Variants in ITGA11 observed in about 807,000 individuals in gnomAD.
ITGA11 encodes integrin subunit alpha 11.
A neutral mutation model predicts 141.9 loss-of-function variants in ITGA11; 97 were observed. The observed-to-expected ratio is 0.68, with a 90% confidence interval of 0.58 to 0.81. The LOEUF (loss-of-function observed/expected upper bound fraction) is 0.81, where lower values mean the gene tolerates loss of function less well. Among genes scored for constraint, ITGA11 ranks in the 30% least tolerant of loss-of-function variants. ITGA11 has a pLI of 0.00. For synonymous variants in ITGA11, 658 were observed against 624.6 expected, an observed-to-expected ratio of 1.05 and a Z score of -0.80; for missense variants, 1,387 against 1,559.2, an observed-to-expected ratio of 0.89 and a Z score of 1.86.
At chr15:68,385,581 T>C (rs573557222) in intron 2 of ITGA11, among the ~76,000 whole-genome samples, 1 of 152,382 alleles carries the variant, frequency 6.6e-6, no homozygotes, top group Admixed American at 6.5e-5. Context: ...TGTAAAAGGA[T>C]GGATGCCTTA....
chr15:68,390,638 G>A lies in ITGA11; in HGVS notation c.164+12280C>T, dbSNP rs540960245. Among the ~76,000 whole-genome samples the A allele has an allele frequency of 4.6e-5, 7 of 152,332 alleles. No homozygotes were observed. The East Asian group carries it at 1.3e-3, about 29-fold the overall frequency. ...AGCCAGGTCCATACCACAGAGGCAG[G>A]AAGAGCCTGGGTCAGAGGGAGCCTC... On this transcript the variant is annotated intron_variant, in intron 2 of 29. Coordinates refer to ENST00000315757, the MANE Select transcript of ITGA11 (RefSeq NM_001004439.2).
Position 68,397,793 on chromosome 15 carries a change from TAAAATTA to T in ITGA11, c.164+5118_164+5124del, listed in dbSNP as rs1566937451. 4.7e-5 allele frequency among the ~76,000 whole-genome samples: 5 copies of T among 107,354 alleles called. 2 individuals are homozygous for T. The highest frequency in any genetic ancestry group is 2.2e-4 in the African/African-American group (5 of 22,330). 70.4% of individuals were successfully genotyped at this position (107,354 alleles called of 152,430 possible). ...TATTTAAAATATATTTAAAATAATA[TAAAATTA>T]TTAATAATAATATTATATATTATTA... On this transcript the variant is annotated intron_variant, in intron 2 of 29. Coordinates refer to ENST00000315757, the MANE Select transcript of ITGA11 (RefSeq NM_001004439.2).
intron 24 of ITGA11, 111 bp from the exon 25 acceptor site, chr15:68,311,514 GA>G (rs1325279314): frequency 6.6e-5 from 47 of 713,920 alleles, no homozygotes; most frequent in Middle Eastern, 3.8e-4. Context: ...TCAGGCCTGG[GA>G]AAAAGGCCCA....
intron 7 of ITGA11, among the ~76,000 whole-genome samples, chr15:68,352,253 C>T (rs1894938432): frequency 1.3e-5 from 2 of 150,780 alleles, no homozygotes; most frequent in Admixed American, 1.3e-4. Context: ...AGTGCGGTGG[C>T]ACAATCTCAG....
intron 3 of ITGA11, among the ~76,000 whole-genome samples, chr15:68,367,376 T>C (rs977488290): frequency 6.6e-6 from 1 of 152,128 alleles, no homozygotes; most frequent in South Asian, 2.1e-4. Context: ...CACATGGCCT[T>C]TCTTTATCTT....
chr15:68,394,853 T>C (rs1392361255), intron 2 of ITGA11, among the ~76,000 whole-genome samples: 1 of 152,166 alleles, frequency 6.6e-6, no homozygotes, highest in Non-Finnish European at 1.5e-5. Flanking sequence ...CCCAAGTTAC[T>C]AAAATTAACA....
At chr15:68,355,821 G>A (rs1369673242) in intron 7 of ITGA11, among the ~76,000 whole-genome samples, 1 of 151,996 alleles carries the variant, frequency 6.6e-6, no homozygotes, top group African/African-American at 2.4e-5. Context: ...GGATTATAAG[G>A]TACCAGGTCT....
In ITGA11 at chr15:68,325,911, AAC is replaced by A. The variant is rs1347111157; in HGVS notation, c.2212-672_2212-671del. The stretch of plus-strand genomic sequence containing the variant: ...CCAGAGTCCCCTGGGAGCTTGTTAA[AAC>A]ACAGGGTGCTGGCGCCAGCCCCAGC... On this transcript the variant is annotated intron_variant, in intron 17 of 29. Coordinates refer to ENST00000315757, the MANE Select transcript of ITGA11 (RefSeq NM_001004439.2). This position sits in a 1 kb window ranked among gnomAD's most constrained non-coding sequence, Gnocchi z 5.5. Among the ~76,000 whole-genome samples, 1 of 152,218 alleles carries A rather than the reference AAC, an allele frequency of 6.6e-6. No individual in the cohort carries two copies. Among genetic ancestry groups the A allele is most frequent in the Non-Finnish European group, 1.5e-5 (1 of 68,032 alleles).
chr15:68,341,437 G>C (rs956398696), intron 10 of ITGA11, among the ~76,000 whole-genome samples: 1 of 152,238 alleles, frequency 6.6e-6, no homozygotes, highest in Non-Finnish European at 1.5e-5. Context: ...TTCATTATTT[G>C]CACTTGACAA....
intron 2 of ITGA11, among the ~76,000 whole-genome samples, chr15:68,393,379 T>C (rs1003684865): frequency 3.9e-5 from 6 of 152,124 alleles, no homozygotes; most frequent in Admixed American, 2.0e-4. Context: ...TTCAAGAAGC[T>C]TTGGAAACCC....
Position 68,326,565 on chromosome 15 carries a change from G to C in ITGA11, c.2211+89C>G, listed in dbSNP as rs1893976798. The C allele has an allele frequency of 1.1e-5, 15 of 1,427,376 alleles. No individual in the cohort carries two copies. The highest frequency in any genetic ancestry group is 1.4e-5 in the Non-Finnish European group (15 of 1,066,180). 88.4% of individuals were successfully genotyped at this position (1,427,376 alleles called of 1,614,324 possible). A position where few individuals can be genotyped will look rare whatever the true frequency, so the allele number is the denominator to read the frequency against. ...CTTCCTGAGGTCTGCTGGGGGCTTA[G>C]AACCAGCCAGGCAGACTCTCTGCCT... On this transcript the variant is annotated intron_variant, in intron 17 of 29. Coordinates refer to ENST00000315757, the MANE Select transcript of ITGA11 (RefSeq NM_001004439.2). This position sits in a 1 kb window ranked among gnomAD's most constrained non-coding sequence, Gnocchi z 6.8.
Position 68,320,224 on chromosome 15 carries a change from C to G in ITGA11, c.2577G>C (p.Ser859=). Residue 859 remains serine, a synonymous_variant, in exon 20 of 30, where the codon TCG becomes TCC. Transcript: ENST00000315757. ...TGGCAAACTGCAGGTTTGCTGACTG[C>G]GAGATATTTAGGACCGTGCTGTAGG... ...ENAYSTVLNI[S]QSANLQFASL... is the part of the protein sequence containing the mutation. The G allele has an allele frequency of 1.9e-6, 3 of 1,614,014 alleles. No homozygotes were observed. The highest frequency in any genetic ancestry group is 2.5e-6 in the Non-Finnish European group (3 of 1,179,894).
rs138205588 is a variant in ITGA11, at chr15:68,384,638, A to G, written c.165-15354T>C. Among the ~76,000 whole-genome samples the G allele has an allele frequency of 2.7e-3, 411 of 151,934 alleles. 2 individuals are homozygous for G. Among genetic ancestry groups the G allele is most frequent in the African/African-American group, 9.5e-3 (394 of 41,392 alleles). Reference sequence around the variant, plus strand: ...TACAGTTTTTCCTCTCTCCCTCTCTATCTCTCCCTCTATCTCTCGTGCACT... The same window carrying G: ...TACAGTTTTTCCTCTCTCCCTCTCTGTCTCTCCCTCTATCTCTCGTGCACT... On this transcript the variant is annotated intron_variant, in intron 2 of 29. Coordinates refer to ENST00000315757, the MANE Select transcript of ITGA11 (RefSeq NM_001004439.2).
chr15:68,411,623 G>A (rs1268756243), intron 1 of ITGA11, among the ~76,000 whole-genome samples: 1 of 152,202 alleles, frequency 6.6e-6, no homozygotes, highest in Non-Finnish European at 1.5e-5. Context: ...GGGTGGCAGA[G>A]CTGGGATACA....
intron 10 of ITGA11, chr15:68,340,650 A>G (rs1417323465): frequency 6.6e-6 from 1 of 152,144 alleles, no homozygotes; most frequent in Non-Finnish European, 1.5e-5. Flanking sequence ...GGAAGCTGCA[A>G]TGCTTGGGCA....
rs1894173548 is a variant in ITGA11, at chr15:68,331,915, C to T, written c.1714G>A (p.Gly572Arg). ...AAGCCGTGGAAGATGTAGATGGCTC[C>T]TGCGTGGTTGTCCTCCAGGGGGGCT... ...VGAPLEDNHA[G>R]AIYIFHGFRG... The change falls in exon 14 of 30, where the codon GGA (glycine) becomes AGA (arginine). Residue 572 changes from glycine (G) to arginine (R), a missense_variant. By Grantham distance (125) the Gly-to-Arg change is moderately radical. Coordinates refer to ENST00000315757, the MANE Select transcript of ITGA11 (RefSeq NM_001004439.2). 1.2e-6 allele frequency: 2 copies of T among 1,613,454 alleles called. No individual in the cohort carries two copies. The highest frequency in any genetic ancestry group is 2.7e-5 in the African/African-American group (2 of 74,964).
rs1236988210 is a variant in ITGA11, at chr15:68,335,407, A to C, written c.1425+290T>G. On this transcript the variant is annotated intron_variant, in intron 12 of 29. Transcript: ENST00000315757. The surrounding 1 kb of genome is among the most constrained non-coding windows in gnomAD (Gnocchi z 4.9). ...TCCACCACAGGACTCTTGGCAGCAC[A>C]GTCTGGTTGCCAACCACCTCCCTGT... 6.6e-6 allele frequency among the ~76,000 whole-genome samples: 1 copy of C among 152,218 alleles called. No homozygotes were observed. Among genetic ancestry groups the C allele is most frequent in the Non-Finnish European group, 1.5e-5 (1 of 68,038 alleles).
At chr15:68,430,112 T>C (rs1279920652) in intron 1 of ITGA11, among the ~76,000 whole-genome samples, 1 of 152,226 alleles carries the variant, frequency 6.6e-6, no homozygotes. Context: ...ATATGTTTAA[T>C]GAATCCCATA....
Position 68,325,140 on chromosome 15 carries a change from G to C in ITGA11, c.2313C>G (p.Leu771=). The C allele has an allele frequency of 1.2e-6, 2 of 1,613,340 alleles. No individual in the cohort carries two copies. Among genetic ancestry groups the C allele is most frequent in the Non-Finnish European group, 1.7e-6 (2 of 1,179,334 alleles). The change falls in exon 18 of 30, where the codon CTC becomes CTG. Residue 771 remains leucine, a synonymous_variant. Transcript: ENST00000315757. This position sits in a 1 kb window ranked among gnomAD's most constrained non-coding sequence, Gnocchi z 5.5. ...PMLDDGWPTT[L]RVSVPFWNGC... ...CTGTACCGAGATGTACCGAGACTCT[G>C]AGAGTGGTGGGCCAGCCGTCGTCCA...
Sources: allele counts gnomAD v4.1 joint callset (sites outside exome capture counted in the v4.1 genomes callset), GRCh38; gene constraint gnomAD v4.1.1; non-coding constraint Gnocchi (gnomAD v3.1); transcripts MANE v1.5; gene names NCBI Gene and HGNC (gene_info 2026-07-23, HGNC 2026-07-21).